Variants in RGS5 observed in about 807,000 individuals in gnomAD.
RGS5 encodes regulator of G protein signaling 5.
Under a neutral mutation model 18.9 loss-of-function variants are expected in RGS5, and 20 were observed. The observed-to-expected ratio is 1.06, with a 90% CI of 0.74 to 1.54. RGS5 has a LOEUF of 1.54. Among genes scored for constraint, RGS5 ranks in the 40% most tolerant of loss-of-function variants. The pLI, the probability that RGS5 is intolerant of heterozygous loss-of-function variation, is 0.00. For synonymous variants in RGS5, 57 were observed against 76.2 expected, an observed-to-expected ratio of 0.75 and a Z score of 1.31; for missense variants, 201 against 211.8, an observed-to-expected ratio of 0.95 and a Z score of 0.32.
chr1:163,191,586 C>T (rs1250859434), intron 1 of RGS5, among the ~76,000 whole-genome samples: 1 of 152,182 alleles, frequency 6.6e-6, no homozygotes, highest in East Asian at 1.9e-4. Context: ...ATAGTCTAAC[C>T]CATGGTCTCT....
At chr1:163,202,658 C>G in intron 1 of RGS5, 134 bp downstream of exon 1, 1 of 661,550 alleles carries the variant, frequency 1.5e-6, no homozygotes, top group Non-Finnish European at 2.7e-6. Context: ...AGATAATACC[C>G]AATCTACAGT....
chr1:163,311,682 T>G (rs1649867919), intron 1 of RGS5, among the ~76,000 whole-genome samples: 1 of 152,224 alleles, frequency 6.6e-6, no homozygotes. Flanking sequence ...ATTTACTTAT[T>G]AAGTTTGTTC....
intron 2 of RGS5, among the ~76,000 whole-genome samples, chr1:163,288,955 G>C (rs960856117): frequency 6.6e-6 from 1 of 151,886 alleles, no homozygotes; most frequent in South Asian, 2.1e-4. Flanking sequence ...CCCCTTCTTG[G>C]TATATGTTGG....
chr1:163,196,975 T>C (rs1029673535), intron 1 of RGS5, among the ~76,000 whole-genome samples: 4 of 152,186 alleles, frequency 2.6e-5, no homozygotes, highest in Non-Finnish European at 5.9e-5. Flanking sequence ...ATTTGGTGTC[T>C]ACTATACCAA....
intron 2 of RGS5, among the ~76,000 whole-genome samples, chr1:163,288,929 A>G (rs1347823349): frequency 6.6e-6 from 1 of 152,096 alleles, no homozygotes; most frequent in African/African-American, 2.4e-5. Context: ...GACAATTCTC[A>G]TCTTTCTCGA....
chr1:163,201,186 G>A (rs568124184), intron 1 of RGS5, among the ~76,000 whole-genome samples: 10 of 152,078 alleles, frequency 6.6e-5, no homozygotes, highest in Non-Finnish European at 1.2e-4. Context: ...TATGCTAAAA[G>A]CATCCATTAA....
At chr1:163,203,715 T>C (rs943538428), upstream of RGS5, among the ~76,000 whole-genome samples, 3 of 152,188 alleles carry the variant, frequency 2.0e-5, no homozygotes, top group Admixed American at 6.5e-5. Flanking sequence ...GTCTTCTGAT[T>C]ATACTTTGCT....
At chr1:163,191,942 G>A (rs1195470431) in intron 1 of RGS5, among the ~76,000 whole-genome samples, 2 of 152,046 alleles carry the variant, frequency 1.3e-5, no homozygotes, top group Non-Finnish European at 2.9e-5. Flanking sequence ...TAAAATGCAG[G>A]GTTCAGAGAG....
chr1:163,166,490 G>C (rs1011139770), intron 2 of RGS5, among the ~76,000 whole-genome samples: 6 of 152,174 alleles, frequency 3.9e-5, no homozygotes, highest in African/African-American at 1.4e-4. Context: ...AAGAGAGAGA[G>C]AGATGGAGCT....
At chr1:163,236,153 C>T (rs1279523388) in intron 2 of RGS5, among the ~76,000 whole-genome samples, 1 of 152,088 alleles carries the variant, frequency 6.6e-6, no homozygotes, top group Non-Finnish European at 1.5e-5. Flanking sequence ...AACTGAATAG[C>T]TACTAATTTA....
intron 1 of RGS5, among the ~76,000 whole-genome samples, chr1:163,183,900 T>C (rs1159728076): frequency 6.6e-6 from 1 of 152,192 alleles, no homozygotes; most frequent in African/African-American, 2.4e-5. Flanking sequence ...AATATGGAAG[T>C]TCACATTTCC....
chr1:163,288,010 C>T (rs771638630), intron 2 of RGS5, among the ~76,000 whole-genome samples: 23 of 152,104 alleles, frequency 1.5e-4, no homozygotes, highest in Non-Finnish European at 2.8e-4. Context: ...TTCTAATAAT[C>T]TCGATAGTTG....
chr1:163,166,636 C>A (rs1029586076), intron 2 of RGS5, among the ~76,000 whole-genome samples: 12 of 152,114 alleles, frequency 7.9e-5, no homozygotes, highest in African/African-American at 2.9e-4. Context: ...GCAATAGATA[C>A]AGAATTATTC....
intron 2 of RGS5, among the ~76,000 whole-genome samples, chr1:163,270,241 G>A (rs573721404): frequency 9.2e-5 from 14 of 151,948 alleles, no homozygotes; most frequent in African/African-American, 3.1e-4. Flanking sequence ...GCTGGGCATG[G>A]TGGCTCACAC....
chr1:163,221,169 C>T (rs10917700), upstream of RGS5, among the ~76,000 whole-genome samples: 32,339 of 152,088 alleles, frequency 0.21, 3,585 homozygotes, highest in African/African-American at 0.28. Flanking sequence ...CTTCTTTCCT[C>T]AGTGTAATGT....
At chr1:163,320,852 A>C (rs1353122658) in intron 1 of RGS5, among the ~76,000 whole-genome samples, 1 of 152,188 alleles carries the variant, frequency 6.6e-6, no homozygotes, top group Non-Finnish European at 1.5e-5. Flanking sequence ...AAAGCAGCGG[A>C]ATTTGTGTCT....
intron 1 of RGS5, 54 bp downstream of exon 1, chr1:163,202,738 G>C (rs1659826114): frequency 6.4e-7 from 1 of 1,552,822 alleles, no homozygotes; most frequent in Admixed American, 1.7e-5. Context: ...AGCCTCCCTT[G>C]AGTAAAGATT....
chr1:163,264,547 C>T (rs1648529607), intron 2 of RGS5, among the ~76,000 whole-genome samples: 1 of 152,144 alleles, frequency 6.6e-6, no homozygotes, highest in East Asian at 1.9e-4. Context: ...GTCCCAACTC[C>T]TGCCAAGATC....
chr1:163,288,930 T>C (rs1649211845), intron 2 of RGS5, among the ~76,000 whole-genome samples: 3 of 152,186 alleles, frequency 2.0e-5, no homozygotes. Flanking sequence ...ACAATTCTCA[T>C]CTTTCTCGAA....
Sources: allele counts gnomAD v4.1 joint callset (sites outside exome capture counted in the v4.1 genomes callset), GRCh38; gene constraint gnomAD v4.1.1; transcripts MANE v1.5; gene names NCBI Gene and HGNC (gene_info 2026-07-23, HGNC 2026-07-21).